Variants in PLAUR observed in about 807,000 individuals in gnomAD.
PLAUR encodes plasminogen activator, urokinase receptor, also known as urokinase plasminogen activator surface receptor.
A neutral mutation model predicts 33.4 loss-of-function variants in PLAUR; 22 were observed. The observed-to-expected ratio is 0.66, with a 90% confidence interval of 0.47 to 0.94. PLAUR has a LOEUF of 0.94. Among genes scored for constraint, PLAUR ranks in the 40% least tolerant of loss-of-function variants. The pLI is 0.00. For missense variants in PLAUR, 408 were observed against 434.7 expected (o/e 0.94, Z 0.55); for synonymous variants, 148 against 167.3 (o/e 0.88, Z 0.89).
At chr19:43,658,321 G>A (rs1416082612) in intron 3 of PLAUR, among the ~76,000 whole-genome samples, 1 of 152,130 alleles carries the variant, frequency 6.6e-6, no homozygotes, top group Non-Finnish European at 1.5e-5. Context: ...GATGACTGCA[G>A]CCCCAGCTGA....
At position 43,656,669 on chromosome 19, in the gene PLAUR, A is replaced by T. The variant is rs61441862; in HGVS notation, c.311-29T>A. The T allele has an allele frequency of 1.0e-3, 1,591 of 1,555,258 alleles. 17 individuals carry two copies. In the African/African-American group the frequency reaches 0.02, roughly 19 times the overall value. ...TTTGGAAGAGGGGGAGGGGAGTGAG[A>T]CTCCATGGGGACAGTCCTGGAGCCC... On this transcript the variant is annotated intron_variant, in intron 3 of 6. Transcript: ENST00000340093.
chr19:43,667,384 C>T, intron 2 of PLAUR, 197 bp downstream of exon 2: 1 of 592,088 alleles, frequency 1.7e-6, no homozygotes, highest in Admixed American at 2.9e-5. Context: ...ACCACAGACA[C>T]GGTCTGCAAC....
At chr19:43,651,136 T>G (rs1390676595) in intron 6 of PLAUR, among the ~76,000 whole-genome samples, 1 of 152,078 alleles carries the variant, frequency 6.6e-6, no homozygotes, top group South Asian at 2.1e-4. Flanking sequence ...TGGAGTGCAA[T>G]GGCACAATCT....
At chr19:43,666,019 C>T (rs1164618200) in intron 2 of PLAUR, among the ~76,000 whole-genome samples, 1 of 151,574 alleles carries the variant, frequency 6.6e-6, no homozygotes, top group Non-Finnish European at 1.5e-5. Flanking sequence ...ATCTATCCCT[C>T]CCCCACACCC....
chr19:43,654,176 G>C (rs1974112978), intron 5 of PLAUR, among the ~76,000 whole-genome samples: 1 of 151,830 alleles, frequency 6.6e-6, no homozygotes, highest in South Asian at 2.1e-4. Context: ...TGTAGTCCCA[G>C]CTACTTGGGA....
Position 43,667,773 on chromosome 19 carries a change from C to T in PLAUR, c.56-82G>A. 1.9e-6 allele frequency: 3 copies of T among 1,545,608 alleles called. 1 individual carries two copies. In the South Asian group the frequency reaches 3.5e-5, roughly 18 times the overall value. ...CGCTCACCCCTGCATGTCCCAATAC[C>T]AACACCAAGTCTCCAGGCCCCGTCC... is the stretch of plus-strand genomic sequence containing the variant. On this transcript the variant is annotated intron_variant, in intron 1 of 6. Coordinates refer to ENST00000340093, the MANE Select transcript of PLAUR (RefSeq NM_002659.4).
Position 43,648,652 on chromosome 19 carries a change from G to T in PLAUR, c.*238C>A. On this transcript the variant is annotated 3_prime_UTR_variant, in exon 7 of 7. Coordinates refer to ENST00000340093, the MANE Select transcript of PLAUR (RefSeq NM_002659.4). ...ATTAATTAATAACAACAACACAACA[G>T]CGGCAACAATATTAATAATAACAAG... 1.3e-6 allele frequency: 1 copy of T among 777,736 alleles called. No homozygotes were observed. The highest frequency in any genetic ancestry group is 1.8e-6 in the Non-Finnish European group (1 of 554,098). 48.2% of individuals were successfully genotyped at this position (777,736 alleles called of 1,614,324 possible).
At chr19:43,669,939 T>C (rs1967452359) in intron 1 of PLAUR, 127 bp downstream of exon 1, 6 of 858,870 alleles carry the variant, frequency 7.0e-6, no homozygotes, top group Non-Finnish European at 1.1e-5. Context: ...AGCACGAGAA[T>C]TACTATTATT....
At chr19:43,663,091 C>T (rs1003996371) in intron 3 of PLAUR, among the ~76,000 whole-genome samples, 1 of 152,112 alleles carries the variant, frequency 6.6e-6, no homozygotes, top group Non-Finnish European at 1.5e-5. Flanking sequence ...TCAGGTATCT[C>T]CTCTAGGGTC....
chr19:43,653,093 G>A (rs183918106), intron 5 of PLAUR, among the ~76,000 whole-genome samples: 53 of 152,262 alleles, frequency 3.5e-4, no homozygotes, highest in African/African-American at 1.2e-3. Flanking sequence ...GATTACAGGT[G>A]TGAGCCACTG....
chr19:43,669,809 C>CAAAAA (rs59728904), intron 1 of PLAUR, among the ~76,000 whole-genome samples: 3 of 71,192 alleles, frequency 4.2e-5, no homozygotes, highest in African/African-American at 1.6e-4. Flanking sequence ...GAGACTCTGT[C>CAAAAA]AAAAAAAAAA....
At chr19:43,651,583 C>T (rs549600369) in intron 6 of PLAUR, among the ~76,000 whole-genome samples, 10 of 152,010 alleles carry the variant, frequency 6.6e-5, no homozygotes, top group African/African-American at 1.4e-4. Context: ...TATAGGTGCA[C>T]GCCACCACAC....
chr19:43,652,594 T>C (rs1191806578), intron 5 of PLAUR, among the ~76,000 whole-genome samples: 1 of 152,158 alleles, frequency 6.6e-6, no homozygotes, highest in East Asian at 1.9e-4. Flanking sequence ...GGCACCGTGC[T>C]GGGTGCTGGG....
chr19:43,670,110 G>C lies in PLAUR; in HGVS notation c.11C>G (p.Pro4Arg). Residue 4 changes from proline (P) to arginine (R), a missense_variant, in exon 1 of 7, where the codon CCG becomes CGG. By Grantham distance (103) the Pro-to-Arg change is moderately radical. Transcript: ENST00000340093. ...CAGCAGCAGCAGCGGCAGCAGCGGC[G>C]GGTGACCCATGTCGCGAGGGCAGCT... MGH[P>R]PLLPLLLLLH... 1.2e-6 allele frequency: 2 copies of C among 1,610,826 alleles called. No individual in the cohort carries two copies. The highest frequency in any genetic ancestry group is 1.7e-6 in the Non-Finnish European group (2 of 1,177,998).
At chr19:43,653,337 C>A (rs1191993820) in intron 5 of PLAUR, among the ~76,000 whole-genome samples, 3 of 152,156 alleles carry the variant, frequency 2.0e-5, no homozygotes, top group Non-Finnish European at 4.4e-5. Flanking sequence ...CTAGATTACA[C>A]TGGAGGGGAG....
In PLAUR at chr19:43,650,374, G is replaced by A. The variant is rs549162360; in HGVS notation, c.755-1231C>T. ...AGGGTCTCGCTCTGTTGCCCAGGCC[G>A]CAGTGCAGTGGTGCAATCTCCGTTC... On this transcript the variant is annotated intron_variant, in intron 6 of 6. Transcript: ENST00000340093. 6.6e-5 allele frequency among the ~76,000 whole-genome samples: 10 copies of A among 150,614 alleles called. No individual in the cohort carries two copies. In the East Asian group the frequency reaches 7.9e-4, roughly 12 times the overall value.
chr19:43,646,815 G>A (rs931543348), downstream of PLAUR, among the ~76,000 whole-genome samples: 4 of 136,942 alleles, frequency 2.9e-5, no homozygotes, highest in Admixed American at 1.5e-4. Context: ...TTTTTTTGGG[G>A]ATAGTCTCAC....
intron 6 of PLAUR, 63 bp from the exon 7 acceptor site, chr19:43,649,206 T>G: frequency 3.2e-6 from 5 of 1,566,486 alleles, no homozygotes; most frequent in Non-Finnish European, 4.4e-6. Context: ...AATTCTCCAG[T>G]AGGTGACCTG....
At chr19:43,650,116 ATTC>A (rs978613743) in intron 6 of PLAUR, among the ~76,000 whole-genome samples, 4 of 151,272 alleles carry the variant, frequency 2.6e-5, no homozygotes, top group African/African-American at 7.3e-5. Flanking sequence ...GGTTCAAGCA[ATTC>A]TTCTGCCTCA....
Sources: allele counts gnomAD v4.1 joint callset (sites outside exome capture counted in the v4.1 genomes callset), GRCh38; gene constraint gnomAD v4.1.1; transcripts MANE v1.5; gene names NCBI Gene and HGNC (gene_info 2026-07-23, HGNC 2026-07-21).